The following MEIS1 variants were observed in gnomAD, a reference collection of about 807,000 sequenced individuals.
MEIS1 encodes Meis homeobox 1.
Under a neutral mutation model 50.8 loss-of-function variants are expected in MEIS1, and 5 were observed. That is an observed-to-expected ratio of 0.10 (90% confidence interval 0.05 to 0.21). The LOEUF (loss-of-function observed/expected upper bound fraction) is 0.21. MEIS1 is among the 10% of genes least tolerant of loss of function. The pLI, the probability that MEIS1 is intolerant of heterozygous loss-of-function variation, is 1.00. For missense variants in MEIS1, 318 were observed against 517.3 expected, an observed-to-expected ratio of 0.61 and a Z score of 3.74; for synonymous variants, 176 against 179.3, an observed-to-expected ratio of 0.98 and a Z score of 0.15.
chr2:66,524,714 G>A (rs6732975), intron 8 of MEIS1, among the ~76,000 whole-genome samples: 148,058 of 152,238 alleles, frequency 0.97, 72,133 homozygotes, highest in Middle Eastern at 1. Flanking sequence ...TTTCACACAA[G>A]TATTTTACAC....
chr2:66,441,676 G>GC (rs1340970279), intron 5 of MEIS1: 1 of 519,660 alleles, frequency 1.9e-6, no homozygotes, highest in Non-Finnish European at 3.3e-6. Context: ...AAACGCCCTA[G>GC]CCTTGTGTTC....
In MEIS1 at chr2:66,504,732, A is replaced by T. The variant is rs528654097; in HGVS notation, c.743-7417A>T. Among the ~76,000 whole-genome samples the T allele has an allele frequency of 2.6e-5, 4 of 152,266 alleles. No individual in the cohort carries two copies. In the South Asian group the frequency reaches 8.3e-4, roughly 32 times the overall value. On this transcript the variant is annotated intron_variant, in intron 7 of 12. Coordinates refer to ENST00000272369, the MANE Select transcript of MEIS1 (RefSeq NM_002398.3). ...CATTCTTAGCTCCATCTTTTCCGTC[A>T]TTGCCACTGCTATGTCTGTACCACA...
intron 8 of MEIS1, among the ~76,000 whole-genome samples, chr2:66,540,619 T>G (rs1484995907): frequency 6.6e-6 from 1 of 152,198 alleles, no homozygotes; most frequent in Admixed American, 6.5e-5. Context: ...AATGGCCATT[T>G]TTGTATTTCC....
intron 9 of MEIS1, among the ~76,000 whole-genome samples, chr2:66,562,490 A>G (rs1430167265): frequency 6.6e-6 from 1 of 152,096 alleles, no homozygotes; most frequent in Non-Finnish European, 1.5e-5. Context: ...CATGAGTCAC[A>G]GTCACTTCCC....
intron 7 of MEIS1, among the ~76,000 whole-genome samples, chr2:66,492,421 A>T (rs759187384): frequency 7.9e-5 from 12 of 152,158 alleles, no homozygotes; most frequent in Non-Finnish European, 1.5e-4. Context: ...GTCTCAGTTC[A>T]GCTTGGTTTG....
At chr2:66,484,618 G>T (rs1226999423) in intron 7 of MEIS1, among the ~76,000 whole-genome samples, 1 of 151,950 alleles carries the variant, frequency 6.6e-6, no homozygotes, top group Non-Finnish European at 1.5e-5. Flanking sequence ...GAGTGCAATG[G>T]CACAATTTTG....
chr2:66,501,840 C>T (rs1442374885), intron 7 of MEIS1, among the ~76,000 whole-genome samples: 7 of 152,112 alleles, frequency 4.6e-5, no homozygotes, highest in Admixed American at 1.3e-4. Context: ...TTCCTTTAAT[C>T]CCATCCAATG....
chr2:66,437,477 C>T, intron 1 of MEIS1: 1 of 486,622 alleles, frequency 2.1e-6, no homozygotes, highest in South Asian at 3.1e-5. Flanking sequence ...CCAAAGGAGC[C>T]TGAATTTCTA....
chr2:66,497,772 T>C (rs992015276), intron 7 of MEIS1, among the ~76,000 whole-genome samples: 5 of 152,182 alleles, frequency 3.3e-5, no homozygotes, highest in Admixed American at 3.3e-4. Flanking sequence ...GCTGCAGAAA[T>C]ATTATTTAGA....
intron 7 of MEIS1, among the ~76,000 whole-genome samples, chr2:66,492,454 A>G (rs1032274870): frequency 3.9e-5 from 6 of 152,156 alleles, no homozygotes; most frequent in Non-Finnish European, 4.4e-5. Context: ...CAGCACACAC[A>G]TGGTCGATAA....
intron 9 of MEIS1, among the ~76,000 whole-genome samples, chr2:66,549,285 T>C (rs1432832841): frequency 1.3e-5 from 2 of 152,146 alleles, no homozygotes; most frequent in Non-Finnish European, 2.9e-5. Context: ...TCAATTTCTA[T>C]GACCTTACTG....
chr2:66,555,952 CTGCATTGCTCCAGTGTG>C (rs1675052811), intron 9 of MEIS1, among the ~76,000 whole-genome samples: 1 of 152,102 alleles, frequency 6.6e-6, no homozygotes, highest in Admixed American at 6.5e-5. Flanking sequence ...TAGATCCGGT[CTGCATTGCTCCAGTGTG>C]TGCACGCCGA....
At chr2:66,541,616 C>A (rs558054532) in intron 8 of MEIS1, among the ~76,000 whole-genome samples, 1 of 152,102 alleles carries the variant, frequency 6.6e-6, no homozygotes, top group South Asian at 2.1e-4. Context: ...AAAAAACAAA[C>A]GCTAAACAAA....
At chr2:66,472,792 C>T (rs920199626) in intron 7 of MEIS1, among the ~76,000 whole-genome samples, 16 of 152,110 alleles carry the variant, frequency 1.1e-4, no homozygotes, top group African/African-American at 1.4e-4. Flanking sequence ...AAACTTGGTC[C>T]AGTCCTTCCA....
chr2:66,473,730 C>G (rs1672823981), intron 7 of MEIS1, among the ~76,000 whole-genome samples: 1 of 152,058 alleles, frequency 6.6e-6, no homozygotes, highest in South Asian at 2.1e-4. Flanking sequence ...CCATGGATCT[C>G]CCTTGAGGAG....
intron 7 of MEIS1, among the ~76,000 whole-genome samples, chr2:66,478,991 A>C (rs1672957683): frequency 6.6e-6 from 1 of 152,250 alleles, no homozygotes; most frequent in South Asian, 2.1e-4. Flanking sequence ...ATATTCATTC[A>C]GAACTGACAG....
intron 7 of MEIS1, among the ~76,000 whole-genome samples, chr2:66,473,994 C>G (rs547972222): frequency 6.6e-6 from 1 of 152,218 alleles, no homozygotes; most frequent in African/African-American, 2.4e-5. Context: ...ATACCTGGTA[C>G]AATGTACATG....
chr2:66,488,360 T>C (rs1169552759), intron 7 of MEIS1, among the ~76,000 whole-genome samples: 1 of 152,182 alleles, frequency 6.6e-6, no homozygotes, highest in Non-Finnish European at 1.5e-5. Flanking sequence ...TATATACTTC[T>C]GAGAATAATA....
chr2:66,516,350 T>C (rs1324720723), intron 8 of MEIS1, among the ~76,000 whole-genome samples: 1 of 152,140 alleles, frequency 6.6e-6, no homozygotes, highest in African/African-American at 2.4e-5. Context: ...ATATCCAGCA[T>C]TGACCAGTCG....
Sources: gnomAD v4.1 joint callset for allele counts (sites outside exome capture counted in the v4.1 genomes callset) on GRCh38, gnomAD v4.1.1 for gene constraint, MANE v1.5 for transcripts, NCBI Gene and HGNC (gene_info 2026-07-23, HGNC 2026-07-21) for gene names.